EDDM13: variants seen among roughly 807,000 people sequenced by gnomAD.
The protein encoded by EDDM13 is epididymal protein 13.
In EDDM13, 24 loss-of-function variants were observed where a neutral mutation model predicts 17.8. The ratio of observed to expected loss-of-function variants is 1.35; its 90% CI spans 0.98 to 1.90. The LOEUF is 1.90. Ranked by LOEUF, EDDM13 falls within the 40% of genes most tolerant of loss-of-function variation. EDDM13 has a pLI of 0.00. For synonymous variants in EDDM13, 31 were observed against 37.5 expected, an observed-to-expected ratio of 0.83 and a Z score of 0.63; for missense variants, 97 against 100.8, an observed-to-expected ratio of 0.96 and a Z score of 0.16.
At position 56,297,533 on chromosome 19, in the gene EDDM13, T is replaced by C; in HGVS notation, c.295+2T>C. On this transcript the variant is annotated splice_donor_variant, in intron 12 of 14. Transcript: ENST00000649256. LOFTEE classifies it high-confidence loss of function. ...AAACAAGTGGCTGCAAGGAGGAAGGTAAGTGCTTGGGGTCGTACCATTCCT... is the reference window on the plus strand; with the variant it reads ...AAACAAGTGGCTGCAAGGAGGAAGGCAAGTGCTTGGGGTCGTACCATTCCT... 1.0e-6 allele frequency: 1 copy of C among 984,936 alleles called. No homozygotes were observed. The highest frequency in any genetic ancestry group is 1.2e-6 in the Non-Finnish European group (1 of 829,740). The allele number at this position is 984,936 out of a possible 1,614,324, so 61.0% of individuals were successfully genotyped here.
chr19:56,284,979 G>A lies in EDDM13; in HGVS notation c.128-19G>A. On this transcript the variant is annotated intron_variant, in intron 5 of 14. Coordinates refer to ENST00000649256, the MANE Select transcript of EDDM13 (RefSeq NM_001354658.2). ...TTTCTGCTGCATTTGCACATCATGT[G>A]TTATGTCTTCTTCCTCAGGTCTCAT... is the stretch of plus-strand genomic sequence containing the variant. The A allele has an allele frequency of 3.0e-6, 3 of 984,386 alleles. No homozygotes were observed. Among genetic ancestry groups the A allele is most frequent in the Non-Finnish European group, 3.6e-6 (3 of 828,978 alleles). 61.0% of individuals were successfully genotyped at this position (984,386 alleles called of 1,614,324 possible).
chr19:56,282,145 T>A (rs2038761331), intron 3 of EDDM13, among the ~76,000 whole-genome samples: 1 of 152,086 alleles, frequency 6.6e-6, no homozygotes, highest in Non-Finnish European at 1.5e-5. Flanking sequence ...TTCCCAGAAT[T>A]AACATCCAGT....
At chr19:56,301,242 T>A (rs2040207792) in intron 12 of EDDM13, among the ~76,000 whole-genome samples, 1 of 152,168 alleles carries the variant, frequency 6.6e-6, no homozygotes, top group Non-Finnish European at 1.5e-5. Context: ...CTCCTTATAG[T>A]TATTTCCTGA....
intron 12 of EDDM13, chr19:56,297,997 C>G (rs1354029016): frequency 6.7e-6 from 1 of 150,204 alleles, no homozygotes; most frequent in Non-Finnish European, 1.5e-5. Flanking sequence ...ATTATTTGAG[C>G]TGGGGAGGTG....
chr19:56,307,771 A>T (rs2040793910), intron 14 of EDDM13, among the ~76,000 whole-genome samples: 1 of 152,246 alleles, frequency 6.6e-6, no homozygotes, highest in Non-Finnish European at 1.5e-5. Context: ...GTGAATAAAA[A>T]TTTCAGTCCA....
At chr19:56,286,976 A>G (rs111498533) in intron 6 of EDDM13, among the ~76,000 whole-genome samples, 1 of 152,260 alleles carries the variant, frequency 6.6e-6, no homozygotes, top group African/African-American at 2.4e-5. Flanking sequence ...CACAGCACGC[A>G]CTGCACAGTG....
chr19:56,295,013 C>T (rs1007915538), intron 9 of EDDM13: 4 of 152,212 alleles, frequency 2.6e-5, no homozygotes, highest in Admixed American at 6.5e-5. Context: ...AGTGACTGCT[C>T]AGGGGCACCA....
intron 4 of EDDM13, 26 bp from the exon 5 acceptor site, chr19:56,284,172 G>A: frequency 1.0e-6 from 1 of 985,490 alleles, no homozygotes; most frequent in Non-Finnish European, 1.2e-6. Context: ...CCACCATGCT[G>A]ACTCTCCTGG....
At chr19:56,309,732 G>A (rs568775542) in intron 14 of EDDM13, among the ~76,000 whole-genome samples, 1 of 152,310 alleles carries the variant, frequency 6.6e-6, no homozygotes, top group Non-Finnish European at 1.5e-5. Flanking sequence ...CCTGCGGGGC[G>A]CGCCCTCTAG....
chr19:56,306,007 G>A (rs1013643867), intron 14 of EDDM13, among the ~76,000 whole-genome samples: 7 of 152,182 alleles, frequency 4.6e-5, no homozygotes, highest in Non-Finnish European at 1.0e-4. Context: ...CACTATGGGA[G>A]GAGTGTGGGT....
chr19:56,288,941 C>T (rs942711611), intron 8 of EDDM13, among the ~76,000 whole-genome samples, 50 bp downstream of exon 8: 6 of 152,198 alleles, frequency 3.9e-5, no homozygotes, highest in Non-Finnish European at 8.8e-5. Flanking sequence ...TCATAACCAC[C>T]GCTGGGCCTT....
At chr19:56,289,200 A>T (rs538877512) in intron 8 of EDDM13, among the ~76,000 whole-genome samples, 1 of 152,208 alleles carries the variant, frequency 6.6e-6, no homozygotes, top group East Asian at 1.9e-4. Flanking sequence ...AGGGTCTGAG[A>T]GCTGCATTGG....
At position 56,272,883 on chromosome 19, in the gene EDDM13, T is replaced by G; in HGVS notation, c.49T>G (p.Phe17Val). 1.0e-6 allele frequency: 1 copy of G among 985,430 alleles called. No individual in the cohort carries two copies. The highest frequency in any genetic ancestry group is 1.2e-6 in the Non-Finnish European group (1 of 829,942). 61.0% of individuals were successfully genotyped at this position (985,430 alleles called of 1,614,324 possible). ...GAAAATGTCGCTGCTGATTCTGCTTTTCCTGGGATTGGCAGAAGCCTGTAC... is the reference window on the plus strand; with the variant it reads ...GAAAATGTCGCTGCTGATTCTGCTTGTCCTGGGATTGGCAGAAGCCTGTAC... Reference protein sequence around the residue: ...FLKMSLLILLFLGLAEACTPR... With the variant: ...FLKMSLLILLVLGLAEACTPR... Residue 17 changes from phenylalanine (F) to valine (V), a missense_variant, in exon 1 of 15, where the codon TTC becomes GTC. Physicochemically the swap from Phe to Val is conservative, Grantham distance 50 (BLOSUM62 -1). Transcript: ENST00000649256.
In EDDM13 at chr19:56,298,428, G is replaced by C. The variant is rs138474199; in HGVS notation, c.295+897G>C. ...CGAGGCAGGCGGATCACAAGGTCAG[G>C]AGATTGAGACCATCCCACCCAACAT... On this transcript the variant is annotated intron_variant, in intron 12 of 14. Transcript: ENST00000649256. Among the ~76,000 whole-genome samples the C allele has an allele frequency of 3.2e-3, 480 of 152,202 alleles. 7 individuals carry two copies. The highest frequency in any genetic ancestry group is 0.011 in the African/African-American group (455 of 41,534).
chr19:56,303,704 T>C (rs572071878), intron 13 of EDDM13, among the ~76,000 whole-genome samples: 1 of 152,022 alleles, frequency 6.6e-6, no homozygotes, highest in Non-Finnish European at 1.5e-5. Flanking sequence ...ATGTTTGGGA[T>C]AGCAGGAGGA....
chr19:56,281,268 G>A (rs987193110), intron 2 of EDDM13, among the ~76,000 whole-genome samples: 2 of 152,100 alleles, frequency 1.3e-5, no homozygotes, highest in African/African-American at 4.8e-5. Context: ...TCTGTCTCAG[G>A]GGTGGCAGAG....
intron 2 of EDDM13, among the ~76,000 whole-genome samples, chr19:56,276,476 C>T (rs572789554): frequency 1.6e-4 from 23 of 145,624 alleles, no homozygotes; most frequent in Middle Eastern, 3.6e-3. Flanking sequence ...ACTGAACACG[C>T]GAAAAAAATT....
At chr19:56,299,278 C>G (rs1292833234) in intron 12 of EDDM13, among the ~76,000 whole-genome samples, 1 of 151,738 alleles carries the variant, frequency 6.6e-6, no homozygotes, top group Non-Finnish European at 1.5e-5. Context: ...ACCACAGGCA[C>G]GAGACACCAC....
intron 12 of EDDM13, among the ~76,000 whole-genome samples, chr19:56,300,162 A>C (rs961817602): frequency 6.6e-6 from 1 of 152,240 alleles, no homozygotes; most frequent in African/African-American, 2.4e-5. Context: ...GAAGAGAAAG[A>C]AAATAGTTTT....
Sources: gnomAD v4.1 joint callset for allele counts (sites outside exome capture counted in the v4.1 genomes callset) on GRCh38, gnomAD v4.1.1 for gene constraint, MANE v1.5 for transcripts, NCBI Gene and HGNC (gene_info 2026-07-23, HGNC 2026-07-21) for gene names.